The following ADAMTS16 variants were observed in gnomAD, a reference collection of about 807,000 sequenced individuals.
ADAMTS16 encodes ADAM metallopeptidase with thrombospondin type 1 motif 16.
ADAMTS16 carries 94 observed loss-of-function variants against 145.8 expected under a neutral mutation model. The ratio of observed to expected loss-of-function variants is 0.64; its 90% confidence interval spans 0.55 to 0.77. The LOEUF is 0.77. ADAMTS16 is among the 30% of genes least tolerant of loss of function. The pLI, the probability that ADAMTS16 is intolerant of heterozygous loss-of-function variation, is 0.00. For missense variants in ADAMTS16, 1,585 were observed against 1,591.5 expected (o/e 1.00, Z 0.07); for synonymous variants, 659 against 604.3 (o/e 1.09, Z -1.33).
chr5:5,180,121 C>G (rs991642787), intron 3 of ADAMTS16, among the ~76,000 whole-genome samples: 2 of 152,098 alleles, frequency 1.3e-5, no homozygotes, highest in Non-Finnish European at 2.9e-5. Context: ...CCCCGCAACT[C>G]CCAAGTAAGA....
chr5:5,183,275 G>C (rs1735392951), intron 4 of ADAMTS16, among the ~76,000 whole-genome samples: 1 of 152,212 alleles, frequency 6.6e-6, no homozygotes, highest in Non-Finnish European at 1.5e-5. Flanking sequence ...AACAAACGGA[G>C]GTGAGCAGGA....
At chr5:5,197,447 A>C (rs1005344228) in intron 8 of ADAMTS16, among the ~76,000 whole-genome samples, 4 of 152,244 alleles carry the variant, frequency 2.6e-5, no homozygotes, top group Non-Finnish European at 5.9e-5. Flanking sequence ...ACACGAATAG[A>C]AACCTGTTAG....
At chr5:5,239,473 T>G (rs1297217102) in intron 15 of ADAMTS16, among the ~76,000 whole-genome samples, 199 bp downstream of exon 15, 1 of 152,130 alleles carries the variant, frequency 6.6e-6, no homozygotes, top group Non-Finnish European at 1.5e-5. Flanking sequence ...AAATTGTTCT[T>G]AGGAAAAGTG....
intron 17 of ADAMTS16, among the ~76,000 whole-genome samples, chr5:5,259,945 C>T (rs1737947054): frequency 6.6e-6 from 1 of 152,240 alleles, no homozygotes; most frequent in Non-Finnish European, 1.5e-5. Flanking sequence ...CTCCACTTCT[C>T]CTGCCTGGGG....
At chr5:5,230,681 G>A (rs1736895388) in intron 11 of ADAMTS16, among the ~76,000 whole-genome samples, 1 of 152,168 alleles carries the variant, frequency 6.6e-6, no homozygotes, top group Non-Finnish European at 1.5e-5. Flanking sequence ...AACAGTGAAA[G>A]CTATTACCAT....
At chr5:5,211,762 A>C (rs1736275341) in intron 10 of ADAMTS16, among the ~76,000 whole-genome samples, 1 of 152,292 alleles carries the variant, frequency 6.6e-6, no homozygotes, top group African/African-American at 2.4e-5. Context: ...AATATTATTA[A>C]GCAAAAATAT....
At chr5:5,154,573 G>A (rs1734557261) in intron 3 of ADAMTS16, among the ~76,000 whole-genome samples, 1 of 152,120 alleles carries the variant, frequency 6.6e-6, no homozygotes, top group South Asian at 2.1e-4. Flanking sequence ...CTATGGTTTT[G>A]TTCCACTTCT....
chr5:5,220,398 T>C lies in ADAMTS16; in HGVS notation c.1606-2391T>C, dbSNP rs545685596. 3.1e-3 allele frequency among the ~76,000 whole-genome samples: 465 copies of C among 151,170 alleles called. 13 individuals carry two copies. The highest frequency in any genetic ancestry group is 0.031 in the Middle Eastern group (9 of 294). ...TGATCTCGATCTCCTGACCTCGTGA[T>C]CCGCCCGCCTCGGCCTCCCAAAGTG... On this transcript the variant is annotated intron_variant, in intron 10 of 22. Transcript: ENST00000274181.
chr5:5,309,708 A>C (rs539705208), intron 21 of ADAMTS16, among the ~76,000 whole-genome samples: 11 of 152,190 alleles, frequency 7.2e-5, no homozygotes, highest in Admixed American at 7.2e-4. Flanking sequence ...CTGGCCAACC[A>C]TGTGCTTCCT....
At chr5:5,159,179 G>T (rs185485238) in intron 3 of ADAMTS16, among the ~76,000 whole-genome samples, 8 of 152,332 alleles carry the variant, frequency 5.3e-5, no homozygotes, top group African/African-American at 4.8e-5. Context: ...AAATAAATCA[G>T]CAGGAAAACA....
intron 4 of ADAMTS16, among the ~76,000 whole-genome samples, chr5:5,185,055 T>C (rs1206387040): frequency 6.6e-6 from 1 of 152,168 alleles, no homozygotes; most frequent in East Asian, 1.9e-4. Context: ...CTGCACGAGT[T>C]ACACAGAGAC....
In ADAMTS16 at chr5:5,157,428, C is replaced by A. The variant is rs1284491427; in HGVS notation, c.501+10973C>A. Among the ~76,000 whole-genome samples the A allele has an allele frequency of 2.0e-5, 3 of 151,924 alleles. No homozygotes were observed. The East Asian group carries it at 5.8e-4, about 29-fold the overall frequency. ...ATAAAACTTAAAAAAAAATCATATG[C>A]TGATCACTCCCTAGCTTTATATATA... On this transcript the variant is annotated intron_variant, in intron 3 of 22. Coordinates refer to ENST00000274181, the MANE Select transcript of ADAMTS16 (RefSeq NM_139056.4).
rs549837655 is a variant in ADAMTS16, at chr5:5,270,569, A to G, written c.2789+7786A>G. 1.7e-3 allele frequency among the ~76,000 whole-genome samples: 252 copies of G among 152,392 alleles called. 2 individuals are homozygous for G. Among genetic ancestry groups the G allele is most frequent in the African/African-American group, 5.2e-3 (218 of 41,596 alleles). ...TTCACAACAGTTATGAATTTAGTCT[A>G]TAAAGCAAAACTATCCATGGCAAAA... is the stretch of plus-strand genomic sequence containing the variant. On this transcript the variant is annotated intron_variant, in intron 18 of 22. Transcript: ENST00000274181.
At chr5:5,238,955 C>T (rs906768955) in intron 14 of ADAMTS16, among the ~76,000 whole-genome samples, 196 bp from the exon 15 acceptor site, 6 of 152,214 alleles carry the variant, frequency 3.9e-5, no homozygotes, top group Non-Finnish European at 5.9e-5. Context: ...GGTTTAAAAG[C>T]TTCCTACATT....
At chr5:5,209,378 C>A in intron 10 of ADAMTS16, 132 bp downstream of exon 10, 1 of 1,073,930 alleles carries the variant, frequency 9.3e-7, no homozygotes, top group Non-Finnish European at 1.3e-6. Flanking sequence ...TAAGGCTGGT[C>A]CTGTATAACG....
In ADAMTS16 at chr5:5,234,994, C is replaced by A; in HGVS notation, c.1851-20C>A. The stretch of plus-strand genomic sequence containing the variant: ...AGCTACTAAAATATAAAAATTCTAA[C>A]TTCAAAATACACATTCCAGGCCATC... On this transcript the variant is annotated intron_variant, in intron 12 of 22. Transcript: ENST00000274181. The A allele has an allele frequency of 2.0e-6, 3 of 1,505,980 alleles. No individual in the cohort carries two copies. The highest frequency in any genetic ancestry group is 1.8e-6 in the Non-Finnish European group (2 of 1,116,344). 93.3% of individuals were successfully genotyped at this position (1,505,980 alleles called of 1,614,324 possible). A position where few individuals can be genotyped will look rare whatever the true frequency, so the allele number is the denominator to read the frequency against.
chr5:5,235,171 T>C lies in ADAMTS16; in HGVS notation c.2008T>C (p.Tyr670His). The C allele has an allele frequency of 6.4e-7, 1 of 1,574,196 alleles. No homozygotes were observed. The highest frequency in any genetic ancestry group is 8.7e-7 in the Non-Finnish European group (1 of 1,150,126). Reference protein sequence around the residue: ...FRGRHYKWKPYTQVEDQDLCK... With the variant: ...FRGRHYKWKPHTQVEDQDLCK... ...AGGGCGGCACTACAAGTGGAAGCCT[T>C]ACACTCAAGTAGAAGGTAAATCTCA... The change falls in exon 13 of 23, where the codon TAC (tyrosine) becomes CAC (histidine). Residue 670 changes from tyrosine to histidine, a missense_variant. Coordinates refer to ENST00000274181, the MANE Select transcript of ADAMTS16 (RefSeq NM_139056.4).
intron 20 of ADAMTS16, among the ~76,000 whole-genome samples, chr5:5,304,895 A>G (rs904921990): frequency 7.9e-5 from 12 of 151,906 alleles, no homozygotes; most frequent in African/African-American, 2.9e-4. Context: ...TGGGCTGCAT[A>G]ATCTATGGGC....
intron 3 of ADAMTS16, among the ~76,000 whole-genome samples, chr5:5,166,456 G>C (rs1261558075): frequency 6.6e-6 from 1 of 152,178 alleles, no homozygotes; most frequent in African/African-American, 2.4e-5. Flanking sequence ...TGGCTGGAGG[G>C]TCTTGAGCTC....
Sources: gnomAD v4.1 joint callset for allele counts (sites outside exome capture counted in the v4.1 genomes callset) on GRCh38, gnomAD v4.1.1 for gene constraint, MANE v1.5 for transcripts, NCBI Gene and HGNC (gene_info 2026-07-23, HGNC 2026-07-21) for gene names.